The following PCBP3 variants were observed in gnomAD, a reference collection of about 807,000 sequenced individuals.
PCBP3 encodes the protein poly(rC) binding protein 3.
Under a neutral mutation model 52.7 loss-of-function variants are expected in PCBP3, and 25 were observed. That is an observed-to-expected ratio of 0.47 (90% confidence interval 0.35 to 0.66). The LOEUF is 0.66. Ranked by LOEUF, PCBP3 falls within the 30% of genes least tolerant of loss-of-function variation. The probability of loss-of-function intolerance (pLI) is 0.01; values close to 1 mark genes in which losing one functional copy is unlikely to be tolerated. For synonymous variants in PCBP3, 162 were observed against 183.0 expected, an observed-to-expected ratio of 0.89 and a Z score of 0.93; for missense variants, 391 against 490.3, an observed-to-expected ratio of 0.80 and a Z score of 1.91.
At chr21:45,927,833 A>G (rs114794360) in intron 13 of PCBP3, among the ~76,000 whole-genome samples, 32 of 152,264 alleles carry the variant, frequency 2.1e-4, no homozygotes, top group African/African-American at 6.7e-4. Context: ...CGCCACGGCC[A>G]CAAGCTGAGC....
chr21:45,681,606 A>G (rs1217526122), intron 2 of PCBP3, among the ~76,000 whole-genome samples: 1 of 152,222 alleles, frequency 6.6e-6, no homozygotes, highest in Non-Finnish European at 1.5e-5. Flanking sequence ...AAAAAGTCAT[A>G]AGCTGAACCA....
chr21:45,811,289 G>T (rs73378597), intron 4 of PCBP3, among the ~76,000 whole-genome samples: 2 of 152,156 alleles, frequency 1.3e-5, no homozygotes, highest in South Asian at 4.1e-4. Flanking sequence ...TGGGCTCTCC[G>T]CAGCAGTGCT....
At chr21:45,903,574 A>T (rs1215590842) in intron 9 of PCBP3, among the ~76,000 whole-genome samples, 1 of 152,152 alleles carries the variant, frequency 6.6e-6, no homozygotes, top group East Asian at 1.9e-4. Flanking sequence ...GTTTGGGATA[A>T]TCAAGAATGG....
intron 4 of PCBP3, among the ~76,000 whole-genome samples, chr21:45,836,893 G>A (rs1166182348): frequency 1.3e-5 from 2 of 152,122 alleles, no homozygotes; most frequent in Admixed American, 1.3e-4. Context: ...CAGTTTGTGT[G>A]CCTGGCTGCA....
chr21:45,754,708 T>C (rs2087865410), intron 3 of PCBP3, among the ~76,000 whole-genome samples: 1 of 152,204 alleles, frequency 6.6e-6, no homozygotes, highest in Non-Finnish European at 1.5e-5. Flanking sequence ...TAGCTCCTGC[T>C]CCTCTGGGTT....
chr21:45,651,016 A>G (rs778527400), intron 1 of PCBP3, among the ~76,000 whole-genome samples: 1 of 152,176 alleles, frequency 6.6e-6, no homozygotes, highest in African/African-American at 2.4e-5. Context: ...TGAGCGTGGG[A>G]ACAGATTCTT....
At chr21:45,692,087 G>T (rs186290732) in intron 2 of PCBP3, among the ~76,000 whole-genome samples, 14 of 152,276 alleles carry the variant, frequency 9.2e-5, no homozygotes, top group African/African-American at 2.9e-4. Context: ...AAGCTGAAAA[G>T]ATCAGCTCAG....
chr21:45,864,426 C>T (rs1041582320), intron 5 of PCBP3, among the ~76,000 whole-genome samples: 2 of 152,192 alleles, frequency 1.3e-5, no homozygotes, highest in African/African-American at 4.8e-5. Context: ...ATGAAGCCAT[C>T]AGGGAATGCA....
At chr21:45,744,171 A>G (rs1434001936) in intron 3 of PCBP3, 3 of 151,440 alleles carry the variant, frequency 2.0e-5, no homozygotes, top group Non-Finnish European at 2.9e-5. Context: ...TGTGCTCGTC[A>G]TTTTTCAGTC....
At chr21:45,813,971 G>A (rs1215882500) in intron 4 of PCBP3, among the ~76,000 whole-genome samples, 2 of 152,166 alleles carry the variant, frequency 1.3e-5, no homozygotes, top group African/African-American at 4.8e-5. Context: ...GTGTTGTTAG[G>A]CAATTTCCTC....
At chr21:45,844,856 A>C (rs1473456764) in intron 4 of PCBP3, among the ~76,000 whole-genome samples, 1 of 146,514 alleles carries the variant, frequency 6.8e-6, no homozygotes, top group Non-Finnish European at 1.5e-5. Flanking sequence ...ATAAAGTTAT[A>C]ACTTTATATA....
At chr21:45,771,544 T>A (rs1233965324) in intron 4 of PCBP3, among the ~76,000 whole-genome samples, 1 of 152,166 alleles carries the variant, frequency 6.6e-6, no homozygotes, top group Non-Finnish European at 1.5e-5. Context: ...TGCAGTGAGA[T>A]CATTTGACAA....
At position 45,926,014 on chromosome 21, in the gene PCBP3, A is replaced by T. The variant is rs147320941; in HGVS notation, c.718-3903A>T. On this transcript the variant is annotated intron_variant, in intron 13 of 17. Transcript: ENST00000681687. ...TAGAATTCATGGAGACATTTACAAA[A>T]CCTCATCACATACCAGCCCATAAAG... Among the ~76,000 whole-genome samples, 111 of 152,292 alleles carry T rather than the reference A, an allele frequency of 7.3e-4. 1 individual carries two copies. The East Asian group carries it at 0.021, about 29-fold the overall frequency.
intron 13 of PCBP3, among the ~76,000 whole-genome samples, chr21:45,922,379 C>A (rs1344164579): frequency 6.6e-6 from 1 of 152,120 alleles, no homozygotes; most frequent in Non-Finnish European, 1.5e-5. Context: ...AAGAGCAAGA[C>A]CCCATTTCTA....
chr21:45,882,002 C>CGGGCCTG (rs902575664), intron 5 of PCBP3, among the ~76,000 whole-genome samples: 1 of 152,172 alleles, frequency 6.6e-6, no homozygotes, highest in Admixed American at 6.5e-5. Context: ...ACAATCAACA[C>CGGGCCTG]GGGCCTGCAT....
intron 2 of PCBP3, among the ~76,000 whole-genome samples, chr21:45,707,214 G>T (rs1481979473): frequency 3.3e-5 from 5 of 152,148 alleles, no homozygotes; most frequent in Non-Finnish European, 5.9e-5. Context: ...AGTCACCTGG[G>T]TTTTTAAAAT....
At chr21:45,742,992 A>T (rs1195170420) in intron 3 of PCBP3, among the ~76,000 whole-genome samples, 1 of 152,218 alleles carries the variant, frequency 6.6e-6, no homozygotes, top group Non-Finnish European at 1.5e-5. Flanking sequence ...CAGATCTATA[A>T]TTTAAATTAT....
At chr21:45,700,221 T>A (rs1388335993) in intron 2 of PCBP3, among the ~76,000 whole-genome samples, 1 of 152,216 alleles carries the variant, frequency 6.6e-6, no homozygotes, top group Non-Finnish European at 1.5e-5. Context: ...GGATTACTAA[T>A]ATTCTGTGGT....
At chr21:45,685,915 C>CTTTTTTT (rs1168054154) in intron 2 of PCBP3, among the ~76,000 whole-genome samples, 2 of 125,458 alleles carry the variant, frequency 1.6e-5, no homozygotes, top group Non-Finnish European at 3.3e-5. Context: ...GTAAGATGAA[C>CTTTTTTT]TTTTTTTTTT....
Sources: allele counts gnomAD v4.1 joint callset (sites outside exome capture counted in the v4.1 genomes callset), GRCh38; gene constraint gnomAD v4.1.1; transcripts MANE v1.5; gene names NCBI Gene and HGNC (gene_info 2026-07-23, HGNC 2026-07-21).